The following SLC41A3 variants were observed in gnomAD, a reference collection of about 807,000 sequenced individuals.
SLC41A3 encodes the protein solute carrier family 41 member 3.
A neutral mutation model predicts 45.4 loss-of-function variants in SLC41A3; 44 were observed. That is an observed-to-expected ratio of 0.97 (90% CI 0.76 to 1.25). SLC41A3 has a LOEUF of 1.25. Among genes scored for constraint, SLC41A3 ranks in the 50% most tolerant of loss-of-function variants. The pLI, the probability that SLC41A3 is intolerant of heterozygous loss-of-function variation, is 0.00. For synonymous variants in SLC41A3, 256 were observed against 252.4 expected (o/e 1.01, Z -0.13); for missense variants, 550 against 600.6 (o/e 0.92, Z 0.88).
intron 1 of SLC41A3, chr3:126,073,298 A>G (rs1329444952): frequency 6.6e-6 from 1 of 152,206 alleles, no homozygotes; most frequent in African/African-American, 2.4e-5. Context: ...TTAGCCAGTC[A>G]TGGTGGAGTG....
At chr3:126,036,825 T>G (rs1942230295) in intron 3 of SLC41A3, among the ~76,000 whole-genome samples, 1 of 152,252 alleles carries the variant, frequency 6.6e-6, no homozygotes, top group Non-Finnish European at 1.5e-5. Flanking sequence ...AACATCTGTT[T>G]TGCTATCCTT....
At chr3:126,044,828 G>A (rs112591336) in intron 3 of SLC41A3, among the ~76,000 whole-genome samples, 6,872 of 145,888 alleles carry the variant, frequency 0.047, 237 homozygotes, top group Middle Eastern at 0.09. Flanking sequence ...CCCGGGAGGC[G>A]GAGCTTGCAG....
intron 3 of SLC41A3, among the ~76,000 whole-genome samples, chr3:126,039,328 G>C (rs969280428): frequency 6.6e-6 from 1 of 152,164 alleles, no homozygotes; most frequent in Non-Finnish European, 1.5e-5. Context: ...AATAAATCAG[G>C]ATTGCCCATT....
At chr3:126,094,787 C>T (rs938876000) in intron 1 of SLC41A3, among the ~76,000 whole-genome samples, 1 of 152,196 alleles carries the variant, frequency 6.6e-6, no homozygotes, top group African/African-American at 2.4e-5. Flanking sequence ...TTTCCAGACT[C>T]CCTATAAAAA....
rs137938182 is a variant in SLC41A3 at position 126,096,153 on chromosome 3, T to C, written c.-79+5276A>G. Among the ~76,000 whole-genome samples, 439 of 152,296 alleles carry C rather than the reference T, an allele frequency of 2.9e-3. 10 individuals carry two copies. Among genetic ancestry groups the C allele is most frequent in the Admixed American group, 0.024 (366 of 15,288 alleles). On this transcript the variant is annotated intron_variant, in intron 1 of 9. Coordinates refer to the SLC41A3 transcript ENST00000508835. ...ACCTTAATGCCAAGAACTGGAGTGC[T>C]TGAAGGAGCTGCAGACAGATTAGCA... is the stretch of plus-strand genomic sequence containing the variant.
intron 1 of SLC41A3, among the ~76,000 whole-genome samples, chr3:126,083,218 C>A (rs1236915227): frequency 6.6e-6 from 1 of 152,132 alleles, no homozygotes; most frequent in Non-Finnish European, 1.5e-5. Flanking sequence ...GGGGACCCAC[C>A]CCCAAGGTTT....
At position 126,026,564 on chromosome 3, in the gene SLC41A3, G is replaced by A; in HGVS notation, c.454-85C>T. On this transcript the variant is annotated intron_variant, in intron 4 of 10. Transcript: ENST00000360370. The surrounding 1 kb of genome is among the most constrained non-coding windows in gnomAD (Gnocchi z 4.2). ...CCCTTCACACCTCACTCACCGCAAG[G>A]GGCCGGGTGCCACATGCTACTGCCT... 4 of 1,506,916 alleles carry A rather than the reference G, an allele frequency of 2.7e-6. No homozygotes were observed. Among genetic ancestry groups the A allele is most frequent in the Non-Finnish European group, 3.6e-6 (4 of 1,115,698 alleles). The allele number at this position is 1,506,916 out of a possible 1,614,324, so 93.3% of individuals were successfully genotyped here. A position where few individuals can be genotyped will look rare whatever the true frequency, so the allele number is the denominator to read the frequency against.
chr3:126,099,635 A>T (rs777705921), intron 1 of SLC41A3, among the ~76,000 whole-genome samples: 3 of 152,146 alleles, frequency 2.0e-5, no homozygotes, highest in Non-Finnish European at 4.4e-5. Flanking sequence ...GAGAGGGGGA[A>T]GTTGCAGTGT....
intron 10 of SLC41A3, among the ~76,000 whole-genome samples, chr3:126,008,480 G>T (rs1306949391): frequency 6.6e-6 from 1 of 151,762 alleles, no homozygotes. Context: ...TGTGTGGTGT[G>T]GAGTTTGTGG....
intron 1 of SLC41A3, among the ~76,000 whole-genome samples, chr3:126,092,341 TA>T (rs1279150487): frequency 4.6e-5 from 7 of 152,272 alleles, no homozygotes; most frequent in African/African-American, 7.2e-5. Flanking sequence ...CTGCTGCAGA[TA>T]ACTAGCCAGA....
At chr3:126,061,490 C>T (rs1944065473) in intron 2 of SLC41A3, among the ~76,000 whole-genome samples, 1 of 152,170 alleles carries the variant, frequency 6.6e-6, no homozygotes, top group African/African-American at 2.4e-5. Context: ...TTGCTATCAA[C>T]GTTGACCCCA....
chr3:126,057,720 G>A (rs537927400), intron 2 of SLC41A3, among the ~76,000 whole-genome samples: 1 of 152,296 alleles, frequency 6.6e-6, no homozygotes, highest in South Asian at 2.1e-4. Flanking sequence ...AACTCCAGAC[G>A]AATTTCTCCA....
At chr3:126,088,839 C>T (rs1576385130), upstream of SLC41A3, among the ~76,000 whole-genome samples, 1 of 152,118 alleles carries the variant, frequency 6.6e-6, no homozygotes, top group African/African-American at 2.4e-5. Context: ...TTAAATGCTA[C>T]AGAAATTAAG....
intron 1 of SLC41A3, among the ~76,000 whole-genome samples, chr3:126,069,397 C>G (rs1223926123): frequency 1.3e-5 from 2 of 152,152 alleles, no homozygotes; most frequent in South Asian, 2.1e-4. Context: ...CGGTCATCAG[C>G]TGGCACTGGG....
upstream of SLC41A3, among the ~76,000 whole-genome samples, chr3:126,088,816 A>C (rs1240965777): frequency 1.3e-5 from 2 of 152,204 alleles, no homozygotes; most frequent in Non-Finnish European, 2.9e-5. Flanking sequence ...CTTTAAGGAC[A>C]AAATCCTTAA....
Position 126,007,198 on chromosome 3 carries a change from C to T in SLC41A3, c.1282G>A (p.Val428Met). The T allele has an allele frequency of 6.2e-7, 1 of 1,614,062 alleles. No homozygotes were observed. The highest frequency in any genetic ancestry group is 2.2e-5 in the East Asian group (1 of 44,872). ...TGGTGCCAAGTCAGCCGAACCATCA[C>T]TTCTGCGAGGTACAGCAGGATTGTC... is the stretch of plus-strand genomic sequence containing the variant. ...QVTILLYLAE[V>M]MVRLTWHQAL... is the part of the protein sequence containing the mutation. Residue 428 changes from valine (V) to methionine (M), a missense_variant, in exon 11 of 11, where the codon GTG (valine) becomes ATG (methionine). Coordinates refer to ENST00000360370, the MANE Select transcript of SLC41A3 (RefSeq NM_017836.4).
chr3:126,072,997 A>C (rs1253834169), intron 1 of SLC41A3, among the ~76,000 whole-genome samples: 1 of 152,230 alleles, frequency 6.6e-6, no homozygotes, highest in Non-Finnish European at 1.5e-5. Context: ...CCATAATCCT[A>C]AACAACCTAA....
At chr3:126,008,908 T>C (rs746454105) in intron 9 of SLC41A3, 28 bp from the exon 10 acceptor site, 6 of 1,612,062 alleles carry the variant, frequency 3.7e-6, no homozygotes, top group Non-Finnish European at 4.2e-6. Flanking sequence ...AAGAAGGTCA[T>C]GTGACCTGAA....
chr3:126,020,635 A>G (rs1024841962), intron 6 of SLC41A3, among the ~76,000 whole-genome samples: 1 of 152,212 alleles, frequency 6.6e-6, no homozygotes, highest in Admixed American at 6.5e-5. Flanking sequence ...GGTTCAGGCC[A>G]TGACGGGTAG....
Sources: allele counts gnomAD v4.1 joint callset (sites outside exome capture counted in the v4.1 genomes callset), GRCh38; gene constraint gnomAD v4.1.1; non-coding constraint Gnocchi (gnomAD v3.1); transcripts MANE v1.5; gene names NCBI Gene and HGNC (gene_info 2026-07-23, HGNC 2026-07-21).